ST7: variants seen among roughly 807,000 people sequenced by gnomAD.
ST7 encodes the protein suppressor of tumorigenicity 7 protein.
In ST7, 28 loss-of-function variants were observed where a neutral mutation model predicts 78.7. The ratio of observed to expected loss-of-function variants is 0.36; its 90% CI spans 0.26 to 0.49. The LOEUF is 0.49. Among genes scored for constraint, ST7 ranks in the 20% least tolerant of loss-of-function variants. The pLI is 0.99. For missense variants in ST7, 418 were observed against 696.0 expected (o/e 0.60, Z 4.49); for synonymous variants, 247 against 249.6 (o/e 0.99, Z 0.10).
intron 13 of ST7, among the ~76,000 whole-genome samples, chr7:117,212,582 G>T (rs537722343): frequency 1.3e-5 from 2 of 151,788 alleles, no homozygotes; most frequent in East Asian, 3.9e-4. Context: ...TTTAAATATC[G>T]AATGAGACCA....
chr7:117,017,977 A>T (rs1447919825), intron 1 of ST7, among the ~76,000 whole-genome samples: 1 of 152,166 alleles, frequency 6.6e-6, no homozygotes. Flanking sequence ...AAGTAGACTT[A>T]AAAAAATCAC....
chr7:117,167,084 A>G (rs915154856), intron 9 of ST7, among the ~76,000 whole-genome samples: 1 of 149,596 alleles, frequency 6.7e-6, no homozygotes, highest in Non-Finnish European at 1.5e-5. Flanking sequence ...TTTTTTAATT[A>G]TTATACTTTA....
At chr7:117,005,301 G>A (rs886347707) in intron 1 of ST7, among the ~76,000 whole-genome samples, 6 of 151,950 alleles carry the variant, frequency 3.9e-5, no homozygotes, top group East Asian at 1.9e-4. Context: ...ATGTTAACAA[G>A]TCACATGTAA....
intron 10 of ST7, among the ~76,000 whole-genome samples, chr7:117,187,254 G>A (rs1358480709): frequency 6.6e-6 from 1 of 152,138 alleles, no homozygotes; most frequent in African/African-American, 2.4e-5. Context: ...TAACTTACTA[G>A]CATAAAAAGA....
intron 1 of ST7, chr7:117,020,369 T>C (rs1348725252): frequency 2.1e-6 from 1 of 476,806 alleles, no homozygotes; most frequent in Non-Finnish European, 3.7e-6. Context: ...AAGCAGCTCT[T>C]CGGTTTTTGG....
chr7:116,990,413 C>T (rs1444324613), intron 1 of ST7, among the ~76,000 whole-genome samples: 1 of 152,116 alleles, frequency 6.6e-6, no homozygotes, highest in Non-Finnish European at 1.5e-5. Flanking sequence ...AATCCCCTTC[C>T]TCTAAGGGGT....
intron 15 of ST7, chr7:117,223,011 A>G: frequency 6.8e-7 from 1 of 1,478,034 alleles, no homozygotes; most frequent in South Asian, 1.1e-5. Context: ...CACCACCAAA[A>G]CTGCTCCTCC....
chr7:117,093,720 CA>C (rs1044495774), intron 1 of ST7, among the ~76,000 whole-genome samples: 1 of 151,770 alleles, frequency 6.6e-6, no homozygotes, highest in South Asian at 2.1e-4. Flanking sequence ...ACAACAACAA[CA>C]AAAAAAATCA....
intron 15 of ST7, 53 bp from the exon 16 acceptor site, chr7:117,229,709 T>G: frequency 1.4e-6 from 2 of 1,470,474 alleles, no homozygotes; most frequent in Non-Finnish European, 1.8e-6. Context: ...GTTTGTTTTA[T>G]AGTCTTGAAC....
At chr7:117,140,801 G>A (rs138518617) in intron 9 of ST7, among the ~76,000 whole-genome samples, 266 of 152,214 alleles carry the variant, frequency 1.7e-3, no homozygotes, top group African/African-American at 6.2e-3. Flanking sequence ...GGGCCTTCTG[G>A]TATAACAGTC....
intron 1 of ST7, among the ~76,000 whole-genome samples, chr7:117,046,563 A>G (rs1797501482): frequency 6.6e-6 from 1 of 152,040 alleles, no homozygotes; most frequent in South Asian, 2.1e-4. Flanking sequence ...TGTTATTCCT[A>G]CACTGTGTTC....
At chr7:117,145,430 G>A (rs1334510542) in intron 9 of ST7, 2 of 152,170 alleles carry the variant, frequency 1.3e-5, no homozygotes, top group African/African-American at 4.8e-5. Flanking sequence ...AACAAGGCAG[G>A]TGGCAGAGCC....
intron 10 of ST7, 142 bp downstream of exon 10, chr7:117,171,118 G>T (rs895323825): frequency 2.1e-5 from 10 of 477,578 alleles, no homozygotes; most frequent in Non-Finnish European, 3.6e-5. Context: ...TTTTATGATG[G>T]TGTTTGGTAT....
intron 1 of ST7, among the ~76,000 whole-genome samples, chr7:117,081,959 T>C (rs1392142645): frequency 1.3e-5 from 2 of 151,986 alleles, no homozygotes; most frequent in Admixed American, 1.3e-4. Flanking sequence ...TAGGCAAGTC[T>C]GAAATGGGTA....
chr7:117,120,327 A>G (rs985275069), intron 3 of ST7, among the ~76,000 whole-genome samples: 5 of 152,200 alleles, frequency 3.3e-5, no homozygotes, highest in African/African-American at 1.2e-4. Flanking sequence ...CTCAGACCAC[A>G]GTGAATAGAT....
chr7:117,065,336 G>C (rs992117011), intron 1 of ST7, among the ~76,000 whole-genome samples: 2 of 151,618 alleles, frequency 1.3e-5, no homozygotes, highest in African/African-American at 4.8e-5. Context: ...AGCCTCCCGG[G>C]TAGCTGGGAT....
chr7:117,167,514 G>A (rs549685720), intron 9 of ST7, among the ~76,000 whole-genome samples: 2 of 151,996 alleles, frequency 1.3e-5, no homozygotes, highest in East Asian at 3.9e-4. Flanking sequence ...CTCAGTATTA[G>A]GTGTGTTGCC....
At chr7:117,194,338 T>C (rs1810076198) in intron 12 of ST7, among the ~76,000 whole-genome samples, 1 of 152,196 alleles carries the variant, frequency 6.6e-6, no homozygotes, top group Non-Finnish European at 1.5e-5. Flanking sequence ...TCATAACTAT[T>C]TGTTCATCAT....
intron 1 of ST7, among the ~76,000 whole-genome samples, chr7:117,008,148 C>T (rs1367341273): frequency 6.6e-6 from 1 of 151,986 alleles, no homozygotes; most frequent in Non-Finnish European, 1.5e-5. Flanking sequence ...AGAAATCTGC[C>T]GAAACCCTTA....
Sources: gnomAD v4.1 joint callset for allele counts (sites outside exome capture counted in the v4.1 genomes callset) on GRCh38, gnomAD v4.1.1 for gene constraint, MANE v1.5 for transcripts, NCBI Gene and HGNC (gene_info 2026-07-23, HGNC 2026-07-21) for gene names.